TXNL4A: variants seen among roughly 807,000 people sequenced by gnomAD.
TXNL4A encodes the protein thioredoxin-like protein 4A.
TXNL4A carries 17 observed loss-of-function variants against 14.6 expected under a neutral mutation model. The ratio of observed to expected loss-of-function variants is 1.16; its 90% confidence interval spans 0.80 to 1.74. TXNL4A has a LOEUF of 1.74. TXNL4A is among the 40% of genes most tolerant of loss of function. TXNL4A has a pLI of 0.00. For synonymous variants in TXNL4A, 83 were observed against 70.6 expected (o/e 1.18, Z -0.88); for missense variants, 74 against 195.2 (o/e 0.38, Z 3.70).
intron 1 of TXNL4A, among the ~76,000 whole-genome samples, chr18:80,001,766 T>A (rs2051699922): frequency 6.6e-6 from 1 of 152,230 alleles, no homozygotes; most frequent in Non-Finnish European, 1.5e-5. Context: ...ACCCAATGAC[T>A]ATACCCCCAT....
intron 1 of TXNL4A, among the ~76,000 whole-genome samples, chr18:80,008,618 C>CTTTT (rs2051748413): frequency 6.6e-6 from 1 of 152,062 alleles, no homozygotes; most frequent in African/African-American, 2.4e-5. Context: ...CCTCTTTGTA[C>CTTTT]TTTTACCTGA....
chr18:80,022,523 G>A (rs1267713080), intron 1 of TXNL4A, among the ~76,000 whole-genome samples: 1 of 152,170 alleles, frequency 6.6e-6, no homozygotes, highest in Non-Finnish European at 1.5e-5. Context: ...CTCAGGCCAG[G>A]TTTGTTTGTT....
intron 1 of TXNL4A, among the ~76,000 whole-genome samples, chr18:80,032,400 T>C (rs1189623255): frequency 6.6e-6 from 1 of 152,210 alleles, no homozygotes; most frequent in Non-Finnish European, 1.5e-5. Flanking sequence ...CAAATTCACT[T>C]AGCCAAAGGG....
At chr18:80,018,736 A>G (rs570590787) in intron 1 of TXNL4A, among the ~76,000 whole-genome samples, 267 of 152,358 alleles carry the variant, frequency 1.8e-3, no homozygotes, top group African/African-American at 5.9e-3. Flanking sequence ...AAAATCTAGA[A>G]GAAATGGATA....
chr18:79,999,413 G>A (rs995737590), intron 1 of TXNL4A, among the ~76,000 whole-genome samples: 2 of 151,882 alleles, frequency 1.3e-5, no homozygotes, highest in East Asian at 1.9e-4. Flanking sequence ...GCGGGTGCCT[G>A]TAATCCCAGC....
chr18:80,025,080 CAATG>C (rs1418299369), intron 1 of TXNL4A, among the ~76,000 whole-genome samples: 2 of 152,174 alleles, frequency 1.3e-5, no homozygotes, highest in Non-Finnish European at 2.9e-5. Context: ...TTCTAAGTTA[CAATG>C]ACCTAAATGG....
At position 80,009,880 on chromosome 18, in the gene TXNL4A, TC is replaced by T. The variant is rs961320435; in HGVS notation, c.-61+23970del. ...TACGCAGGCTCACTTGAGGCATTTTTCCCTTATCAGTTGAGTGTTCCTAGAG... is the reference window on the plus strand; with the variant it reads ...TACGCAGGCTCACTTGAGGCATTTTTCCTTATCAGTTGAGTGTTCCTAGAG... On this transcript the variant is annotated intron_variant, in intron 1 of 2. Coordinates refer to the TXNL4A transcript ENST00000585474. Among the ~76,000 whole-genome samples the T allele has an allele frequency of 9.8e-4, 149 of 152,304 alleles. 3 individuals are homozygous for T. The highest frequency in any genetic ancestry group is 1.6e-3 in the Admixed American group (25 of 15,294).
intron 1 of TXNL4A, among the ~76,000 whole-genome samples, chr18:79,997,720 C>T (rs2051672155): frequency 6.6e-6 from 1 of 152,170 alleles, no homozygotes; most frequent in South Asian, 2.1e-4. Context: ...CCCCAGGGCT[C>T]AACACTCATT....
chr18:79,975,949 AC>A (rs1192039987), intron 2 of TXNL4A, among the ~76,000 whole-genome samples: 2 of 152,226 alleles, frequency 1.3e-5, no homozygotes, highest in African/African-American at 4.8e-5. Flanking sequence ...TGGCTGCTGA[AC>A]ACACAGTAGA....
intron 2 of TXNL4A, among the ~76,000 whole-genome samples, chr18:79,976,448 G>C (rs1050455697): frequency 6.6e-6 from 1 of 152,154 alleles, no homozygotes; most frequent in Admixed American, 6.6e-5. Context: ...ACAGCAGCAA[G>C]GAAGCAGATC....
intron 1 of TXNL4A, among the ~76,000 whole-genome samples, chr18:80,019,590 A>G (rs2145123761): frequency 6.6e-6 from 1 of 152,298 alleles, no homozygotes; most frequent in Middle Eastern, 3.4e-3. Context: ...GCCCAGGGAT[A>G]GCTATTCCCA....
At chr18:80,008,275 A>T (rs1035793950) in intron 1 of TXNL4A, among the ~76,000 whole-genome samples, 5 of 152,124 alleles carry the variant, frequency 3.3e-5, no homozygotes, top group Non-Finnish European at 7.3e-5. Context: ...ATGGGAAGTT[A>T]TGGTCTGCTC....
At chr18:80,016,317 G>A (rs1206962616) in intron 1 of TXNL4A, among the ~76,000 whole-genome samples, 1 of 151,830 alleles carries the variant, frequency 6.6e-6, no homozygotes, top group Admixed American at 6.6e-5. Flanking sequence ...TAGGCTGCCT[G>A]TTCACTCTGA....
intron 1 of TXNL4A, among the ~76,000 whole-genome samples, chr18:79,983,484 G>T (rs2051495173): frequency 6.6e-6 from 1 of 152,156 alleles, no homozygotes; most frequent in Non-Finnish European, 1.5e-5. Flanking sequence ...CAAAACACAT[G>T]ACCAAACTGG....
In TXNL4A at chr18:80,004,669, T is replaced by C. The variant is rs115245252; in HGVS notation, c.-60-26968A>G. ...AACTCCTCTGTGTACACATTGAATT[T>C]AGAACTTTAGCTTTGACCCATGCAG... On this transcript the variant is annotated intron_variant, in intron 1 of 2. Coordinates refer to the TXNL4A transcript ENST00000585474. Among the ~76,000 whole-genome samples the C allele has an allele frequency of 8.0e-3, 1,218 of 152,248 alleles. 18 individuals are homozygous for C. Among genetic ancestry groups the C allele is most frequent in the African/African-American group, 0.027 (1,132 of 41,542 alleles).
At chr18:79,975,469 T>C (rs1443316174) in intron 2 of TXNL4A, among the ~76,000 whole-genome samples, 1 of 152,246 alleles carries the variant, frequency 6.6e-6, no homozygotes, top group Non-Finnish European at 1.5e-5. Context: ...CCCAAGGCTG[T>C]TGCCTGCAGC....
chr18:79,990,348 T>C (rs2051618123), upstream of TXNL4A, among the ~76,000 whole-genome samples: 1 of 152,224 alleles, frequency 6.6e-6, no homozygotes. Context: ...GCACAGAATA[T>C]AAGCATAGTG....
intron 1 of TXNL4A, among the ~76,000 whole-genome samples, chr18:80,025,601 G>A (rs541824471): frequency 1.8e-4 from 27 of 152,328 alleles, no homozygotes; most frequent in Non-Finnish European, 3.1e-4. Context: ...GAGCCCCAGC[G>A]ATTGTCTACC....
At chr18:80,002,450 A>G (rs778393479) in intron 1 of TXNL4A, among the ~76,000 whole-genome samples, 3 of 152,216 alleles carry the variant, frequency 2.0e-5, no homozygotes, top group East Asian at 1.9e-4. Context: ...CTAAAAACAA[A>G]AAAGCCACTG....
Sources: allele counts gnomAD v4.1 joint callset (sites outside exome capture counted in the v4.1 genomes callset), GRCh38; gene constraint gnomAD v4.1.1; transcripts MANE v1.5; gene names NCBI Gene and HGNC (gene_info 2026-07-23, HGNC 2026-07-21).